Variants in PLEKHA1 observed in about 807,000 individuals in gnomAD.
The protein encoded by PLEKHA1 is pleckstrin homology domain-containing family A member 1.
In PLEKHA1, 34 loss-of-function variants were observed where a neutral mutation model predicts 52.0. The ratio of observed to expected loss-of-function variants is 0.65; its 90% CI spans 0.50 to 0.87. PLEKHA1 has a LOEUF of 0.87. Among genes scored for constraint, PLEKHA1 ranks in the 40% least tolerant of loss-of-function variants. The probability of loss-of-function intolerance (pLI) is 0.00; values close to 1 mark genes in which losing one functional copy is unlikely to be tolerated. For synonymous variants in PLEKHA1, 163 were observed against 170.7 expected (o/e 0.95, Z 0.35); for missense variants, 497 against 504.2 (o/e 0.99, Z 0.14).
intron 4 of PLEKHA1, among the ~76,000 whole-genome samples, chr10:122,402,705 C>T (rs1382282657): frequency 2.6e-5 from 4 of 152,184 alleles, no homozygotes; most frequent in East Asian, 1.9e-4. Flanking sequence ...TACCTCCAAT[C>T]GGGCAGACAC....
Position 122,429,837 on chromosome 10 carries a change from G to A in PLEKHA1, c.1114G>A (p.Glu372Lys). The change falls in exon 12 of 12, where the codon GAA becomes AAA. Residue 372 changes from glutamate (E) to lysine (K), a missense_variant. Physicochemically the swap from Glu to Lys is moderately conservative, Grantham distance 56 (BLOSUM62 1). Coordinates refer to ENST00000368990, the MANE Select transcript of PLEKHA1 (RefSeq NM_001001974.4). ...SPREPASKVT[E>K]QALLRPQSKN... ...AAGAGAACCAGCTTCCAAAGTGACTGAACAAGCTCTGTTAAGACCTCAAAG... is the reference window on the plus strand; with the variant it reads ...AAGAGAACCAGCTTCCAAAGTGACTAAACAAGCTCTGTTAAGACCTCAAAG... The A allele has an allele frequency of 6.2e-7, 1 of 1,614,170 alleles. No individual in the cohort carries two copies. Among genetic ancestry groups the A allele is most frequent in the Non-Finnish European group, 8.5e-7 (1 of 1,180,032 alleles).
At chr10:122,397,529 C>A (rs142262758) in intron 2 of PLEKHA1, among the ~76,000 whole-genome samples, 1 of 152,076 alleles carries the variant, frequency 6.6e-6, no homozygotes, top group African/African-American at 2.4e-5. Flanking sequence ...TTTAATAGAA[C>A]AAAGTAATAT....
chr10:122,388,811 A>G (rs917910259), intron 1 of PLEKHA1, among the ~76,000 whole-genome samples: 4 of 152,208 alleles, frequency 2.6e-5, no homozygotes, highest in African/African-American at 9.6e-5. Flanking sequence ...TGCTGAAGGT[A>G]GGGGTGGCTG....
At chr10:122,386,539 T>C (rs1342352917) in intron 1 of PLEKHA1, 2 of 152,186 alleles carry the variant, frequency 1.3e-5, no homozygotes, top group Non-Finnish European at 2.9e-5. Flanking sequence ...TTGTGTCTTA[T>C]CTAAGAAATA....
intron 1 of PLEKHA1, among the ~76,000 whole-genome samples, chr10:122,381,180 A>G (rs2096609470): frequency 6.6e-6 from 1 of 152,238 alleles, no homozygotes; most frequent in Admixed American, 6.5e-5. Context: ...GGTAAGGGCC[A>G]GATCCAGGAG....
intron 6 of PLEKHA1, 134 bp from the exon 7 acceptor site, chr10:122,415,725 T>C: frequency 2.4e-6 from 2 of 843,032 alleles, no homozygotes; most frequent in South Asian, 4.4e-5. Context: ...GTATCTCAGA[T>C]TAATTAGAAA....
chr10:122,387,290 A>G (rs1372749361), intron 1 of PLEKHA1: 5 of 152,058 alleles, frequency 3.3e-5, no homozygotes, highest in Non-Finnish European at 7.4e-5. Context: ...AAGACTATAA[A>G]TTTTCTTTCA....
chr10:122,376,012 T>C (rs1056177057), intron 1 of PLEKHA1, among the ~76,000 whole-genome samples: 4 of 152,234 alleles, frequency 2.6e-5, no homozygotes, highest in Non-Finnish European at 5.9e-5. Context: ...TTAGAACTCC[T>C]GATCAATCTG....
intron 1 of PLEKHA1, among the ~76,000 whole-genome samples, chr10:122,375,301 C>T (rs1482068430): frequency 2.0e-5 from 3 of 152,210 alleles, no homozygotes; most frequent in Admixed American, 2.0e-4. Context: ...CGCGCGTCCC[C>T]GGGCATCCTT....
chr10:122,429,682 C>T lies in PLEKHA1; in HGVS notation c.959C>T (p.Thr320Ile). Residue 320 changes from threonine (T) to isoleucine (I), a missense_variant, in exon 12 of 12, where the codon ACC becomes ATC. Transcript: ENST00000368990. Reference sequence around the variant, plus strand: ...GCTTTCCGTCCTACCAACGCAGCCACCGCCACCTCACATTCCACAGCCTCT... The same window carrying T: ...GCTTTCCGTCCTACCAACGCAGCCATCGCCACCTCACATTCCACAGCCTCT... Reference protein sequence around the residue: ...KHAFRPTNAATATSHSTASRS... With the variant: ...KHAFRPTNAAIATSHSTASRS... 6.2e-7 allele frequency: 1 copy of T among 1,614,110 alleles called. No homozygotes were observed. Among genetic ancestry groups the T allele is most frequent in the Non-Finnish European group, 8.5e-7 (1 of 1,180,012 alleles).
At chr10:122,379,882 T>A (rs1262791965) in intron 1 of PLEKHA1, among the ~76,000 whole-genome samples, 1 of 152,216 alleles carries the variant, frequency 6.6e-6, no homozygotes, top group African/African-American at 2.4e-5. Context: ...TTTGCCTTAT[T>A]TTTTGGCTTC....
rs2097410452 is a variant in PLEKHA1, at chr10:122,430,939, G to A, written c.*1001G>A. 1.3e-5 allele frequency: 2 copies of A among 152,568 alleles called. No individual in the cohort carries two copies. The highest frequency in any genetic ancestry group is 6.5e-5 in the Admixed American group (1 of 15,268). 9.5% of individuals were successfully genotyped at this position (152,568 alleles called of 1,614,324 possible). ...AAAATTAATTTTCAGTAGAATAGTT[G>A]AATGTGTTAAGATAGGATTTTATGT... is the stretch of plus-strand genomic sequence containing the variant. On this transcript the variant is annotated 3_prime_UTR_variant, in exon 12 of 12. Transcript: ENST00000368990.
intron 6 of PLEKHA1, among the ~76,000 whole-genome samples, chr10:122,415,628 C>T (rs2097163520): frequency 6.6e-6 from 1 of 151,980 alleles, no homozygotes; most frequent in African/African-American, 2.4e-5. Flanking sequence ...ACTCCTTCCC[C>T]AAAAAAGAGC....
At chr10:122,378,405 A>G (rs1442313171) in intron 1 of PLEKHA1, among the ~76,000 whole-genome samples, 5 of 119,824 alleles carry the variant, frequency 4.2e-5, no homozygotes, top group African/African-American at 1.3e-4. Flanking sequence ...CCATAACATC[A>G]TGGGTAAATG....
intron 4 of PLEKHA1, among the ~76,000 whole-genome samples, chr10:122,403,036 C>A (rs2096953128): frequency 6.6e-6 from 1 of 152,148 alleles, no homozygotes; most frequent in African/African-American, 2.4e-5. Context: ...TACGACAATG[C>A]AAGAGAGCTT....
intron 1 of PLEKHA1, among the ~76,000 whole-genome samples, chr10:122,391,749 T>G (rs2096778640): frequency 6.6e-6 from 1 of 152,166 alleles, no homozygotes; most frequent in African/African-American, 2.4e-5. Context: ...TTTTTTTTTT[T>G]TACAAACATG....
chr10:122,413,935 T>C (rs2097140281), intron 6 of PLEKHA1, among the ~76,000 whole-genome samples: 1 of 152,132 alleles, frequency 6.6e-6, no homozygotes, highest in African/African-American at 2.4e-5. Flanking sequence ...TTCAGGTCTT[T>C]TGCTACGGGA....
chr10:122,429,825 T>C lies in PLEKHA1; in HGVS notation c.1102T>C (p.Ser368Pro). Residue 368 changes from serine to proline, a missense_variant, in exon 12 of 12, where the codon TCC becomes CCC. Coordinates refer to ENST00000368990, the MANE Select transcript of PLEKHA1 (RefSeq NM_001001974.4). ...VQTVSPREPASKVTEQALLRP... is the reference protein window; with the variant it reads ...VQTVSPREPAPKVTEQALLRP... ...GACTGTCTCTCCAAGAGAACCAGCT[T>C]CCAAAGTGACTGAACAAGCTCTGTT... The C allele has an allele frequency of 6.2e-7, 1 of 1,614,136 alleles. No individual in the cohort carries two copies. Among genetic ancestry groups the C allele is most frequent in the Non-Finnish European group, 8.5e-7 (1 of 1,180,032 alleles).
downstream of PLEKHA1, chr10:122,435,627 CTT>C (rs1157480774): frequency 6.6e-6 from 1 of 152,132 alleles, no homozygotes; most frequent in African/African-American, 2.4e-5. Context: ...AGAAATAAAA[CTT>C]TCCAAACTTT....
Sources: gnomAD v4.1 joint callset for allele counts (sites outside exome capture counted in the v4.1 genomes callset) on GRCh38, gnomAD v4.1.1 for gene constraint, MANE v1.5 for transcripts, NCBI Gene and HGNC (gene_info 2026-07-23, HGNC 2026-07-21) for gene names.